Variants in ITPRID1 observed in about 807,000 individuals in gnomAD.
ITPRID1 encodes the protein ITPR interacting domain containing 1, also known as protein ITPRID1.
Under a neutral mutation model 95.4 loss-of-function variants are expected in ITPRID1, and 96 were observed. That is an observed-to-expected ratio of 1.01 (90% CI 0.85 to 1.19). ITPRID1 has a LOEUF of 1.19. ITPRID1 is among the 50% of genes most tolerant of loss of function. The pLI, the probability that ITPRID1 is intolerant of heterozygous loss-of-function variation, is 0.00. For missense variants in ITPRID1, 1,339 were observed against 1,252.9 expected, an observed-to-expected ratio of 1.07 and a Z score of -1.04; for synonymous variants, 510 against 453.6, an observed-to-expected ratio of 1.12 and a Z score of -1.58.
intron 10 of ITPRID1, among the ~76,000 whole-genome samples, chr7:31,608,756 A>G (rs1018552128): frequency 2.0e-5 from 3 of 151,672 alleles, no homozygotes; most frequent in African/African-American, 4.8e-5. Context: ...ATAATTCTAT[A>G]GCGGATTTTT....
rs373037866 is a variant in ITPRID1 at position 31,590,742 on chromosome 7, G to T, written c.1228+7551G>T. On this transcript the variant is annotated intron_variant, in intron 10 of 14. Coordinates refer to ENST00000615280, the MANE Select transcript of ITPRID1 (RefSeq NM_001257967.3). ...TTCACTCCTAAGCAGTAAGAAGCCT[G>T]CAAGGAGATCACTCACAGAGTAGTG... Among the ~76,000 whole-genome samples the T allele has an allele frequency of 6.6e-5, 10 of 152,308 alleles. No homozygotes were observed. The South Asian group carries it at 2.1e-3, about 32-fold the overall frequency.
At chr7:31,634,474 A>G (rs1178654314) in intron 10 of ITPRID1, among the ~76,000 whole-genome samples, 1 of 152,134 alleles carries the variant, frequency 6.6e-6, no homozygotes, top group African/African-American at 2.4e-5. Flanking sequence ...TACTTTCCCT[A>G]TGAGGGGACA....
Position 31,577,990 on chromosome 7 carries a change from A to T in ITPRID1, c.726A>T (p.Ser242=). 6.2e-7 allele frequency: 1 copy of T among 1,613,862 alleles called. No homozygotes were observed. The highest frequency in any genetic ancestry group is 8.5e-7 in the Non-Finnish European group (1 of 1,179,844). Residue 242 remains serine, a synonymous_variant, in exon 9 of 15, where the codon TCA becomes TCT. Transcript: ENST00000615280. ...GAGGAGAGAGTGTGCAAAGAACCTC[A>T]GTGAGTGCCGCCAAAGAGCATCGAA... ...KAGGESVQRT[S]VSAAKEHRRR...
chr7:31,610,704 T>C (rs562372572), intron 10 of ITPRID1, among the ~76,000 whole-genome samples: 1 of 151,730 alleles, frequency 6.6e-6, no homozygotes, highest in African/African-American at 2.4e-5. Context: ...TTTTTGTCTT[T>C]ATTAACAATT....
intron 12 of ITPRID1, among the ~76,000 whole-genome samples, chr7:31,644,925 C>A (rs1275932716): frequency 1.3e-5 from 2 of 152,198 alleles, no homozygotes; most frequent in Non-Finnish European, 2.9e-5. Context: ...TTCCCATTCT[C>A]TTAATTCCAC....
chr7:31,569,235 C>G (rs1242336186), intron 5 of ITPRID1, among the ~76,000 whole-genome samples: 3 of 152,124 alleles, frequency 2.0e-5, no homozygotes, highest in Non-Finnish European at 2.9e-5. Flanking sequence ...TTAGATGATA[C>G]AAATGAAGGG....
rs537748036 is a variant in ITPRID1, at chr7:31,601,734, G to A, written c.1228+18543G>A. On this transcript the variant is annotated intron_variant, in intron 10 of 14. Coordinates refer to ENST00000615280, the MANE Select transcript of ITPRID1 (RefSeq NM_001257967.3). ...CTCTACCGTCACTGAGAAGAGGGAC[G>A]AGAGTGCCCATCTCTTTTGTTATTG... Among the ~76,000 whole-genome samples, 484 of 152,276 alleles carry A rather than the reference G, an allele frequency of 3.2e-3. 1 individual carries two copies. The highest frequency in any genetic ancestry group is 0.011 in the African/African-American group (455 of 41,556).
At position 31,652,643 on chromosome 7, in the gene ITPRID1, T is replaced by C; in HGVS notation, c.2949T>C (p.Thr983=). ...SKIHPGMAPR[T]VFPPDDGQEA... is the part of the protein sequence containing the mutation. ...TCCACCCAGGCATGGCCCCGAGGAC[T>C]GTGTTTCCTCCCGATGATGGCCAGG... The change falls in exon 15 of 15, where the codon ACT becomes ACC. Residue 983 remains threonine (T), a synonymous_variant. Coordinates refer to ENST00000615280, the MANE Select transcript of ITPRID1 (RefSeq NM_001257967.3). 3 of 1,613,874 alleles carry C rather than the reference T, an allele frequency of 1.9e-6. No homozygotes were observed. Among genetic ancestry groups the C allele is most frequent in the Non-Finnish European group, 2.5e-6 (3 of 1,179,854 alleles).
intron 10 of ITPRID1, among the ~76,000 whole-genome samples, chr7:31,617,266 A>AAAATGATACAT (rs1611054): frequency 6.6e-6 from 1 of 152,078 alleles, no homozygotes; most frequent in Non-Finnish European, 1.5e-5. Context: ...CAACAATTTA[A>AAAATGATACAT]CTTTGCAAAG....
intron 10 of ITPRID1, among the ~76,000 whole-genome samples, chr7:31,616,794 T>C (rs1168508095): frequency 6.6e-6 from 1 of 152,048 alleles, no homozygotes; most frequent in African/African-American, 2.4e-5. Flanking sequence ...CTAAATTTCA[T>C]TTTTTGGTAG....
intron 10 of ITPRID1, among the ~76,000 whole-genome samples, chr7:31,638,704 C>A (rs948723797): frequency 6.6e-6 from 1 of 151,922 alleles, no homozygotes; most frequent in Non-Finnish European, 1.5e-5. Flanking sequence ...TGTAATGTTC[C>A]TTTTCTCTGG....
At chr7:31,518,043 G>C (rs1783105354) in intron 1 of ITPRID1, 1 of 152,392 alleles carries the variant, frequency 6.6e-6, no homozygotes, top group Admixed American at 6.5e-5. Context: ...AGATTATCCT[G>C]GGTTTTTTGG....
chr7:31,523,403 C>T (rs1303574137), intron 1 of ITPRID1, among the ~76,000 whole-genome samples: 1 of 152,162 alleles, frequency 6.6e-6, no homozygotes, highest in Non-Finnish European at 1.5e-5. Flanking sequence ...GAAGAGCTGC[C>T]TTGATGATAT....
At chr7:31,658,424 T>C (rs7791685), downstream of ITPRID1, 519 of 1,475,894 alleles carry the variant, frequency 3.5e-4, 3 homozygotes, top group African/African-American at 6.4e-3. Flanking sequence ...ATAATCAGTT[T>C]CCAGAGTATA....
intron 10 of ITPRID1, among the ~76,000 whole-genome samples, chr7:31,619,742 C>T (rs1242586355): frequency 6.6e-6 from 1 of 152,098 alleles, no homozygotes; most frequent in Non-Finnish European, 1.5e-5. Context: ...CTAGGGAGTG[C>T]CAGACAGTGG....
intron 6 of ITPRID1, among the ~76,000 whole-genome samples, chr7:31,570,837 G>A (rs1784960795): frequency 6.6e-6 from 1 of 152,006 alleles, no homozygotes. Context: ...AACAAAGAAG[G>A]AAAAATAAAT....
intron 10 of ITPRID1, among the ~76,000 whole-genome samples, chr7:31,590,293 G>C (rs1785809497): frequency 6.6e-6 from 1 of 151,916 alleles, no homozygotes; most frequent in Non-Finnish European, 1.5e-5. Flanking sequence ...GAGACAGACT[G>C]GTACATGCAT....
chr7:31,583,183 G>A lies in ITPRID1; in HGVS notation c.1220G>A (p.Gly407Glu), dbSNP rs544905117. 250 of 1,608,514 alleles carry A rather than the reference G, an allele frequency of 1.6e-4. 2 individuals are homozygous for A. In the South Asian group the frequency reaches 2.6e-3, roughly 17 times the overall value. Reference protein sequence around the residue: ...ETGNPLDMTSGTVGARVDRAN... With the variant: ...ETGNPLDMTSETVGARVDRAN... ...GGTAATCCTCTTGACATGACTTCAGGAACTGTAGGTAAGAATTCATCAAGG... is the reference window on the plus strand; with the variant it reads ...GGTAATCCTCTTGACATGACTTCAGAAACTGTAGGTAAGAATTCATCAAGG... The change falls in exon 10 of 15, where the codon GGA becomes GAA. Residue 407 changes from glycine to glutamate, a missense_variant. Physicochemically the swap from Gly to Glu is moderately conservative, Grantham distance 98. Coordinates refer to ENST00000615280, the MANE Select transcript of ITPRID1 (RefSeq NM_001257967.3).
chr7:31,651,877 A>G lies in ITPRID1; in HGVS notation c.2712-62A>G. 1.0e-5 allele frequency: 12 copies of G among 1,163,668 alleles called. No homozygotes were observed. In the South Asian group the frequency reaches 1.5e-4, roughly 14 times the overall value. 72.1% of individuals were successfully genotyped at this position (1,163,668 alleles called of 1,614,324 possible). A position where few individuals can be genotyped will look rare whatever the true frequency, so the allele number is the denominator to read the frequency against. The stretch of plus-strand genomic sequence containing the variant: ...GGAAGAACCTATATTATGAGGTGAC[A>G]ATGGAAGATTGCACCTGGGAAGGAT... On this transcript the variant is annotated intron_variant, in intron 13 of 14. Coordinates refer to ENST00000615280, the MANE Select transcript of ITPRID1 (RefSeq NM_001257967.3).
Sources: gnomAD v4.1 joint callset for allele counts (sites outside exome capture counted in the v4.1 genomes callset) on GRCh38, gnomAD v4.1.1 for gene constraint, MANE v1.5 for transcripts, NCBI Gene and HGNC (gene_info 2026-07-23, HGNC 2026-07-21) for gene names.